The following CCSAP variants were observed in gnomAD, a reference collection of about 807,000 sequenced individuals.
CCSAP encodes centriole, cilia and spindle associated protein.
A neutral mutation model predicts 25.9 loss-of-function variants in CCSAP; 17 were observed. That is an observed-to-expected ratio of 0.66 (90% CI 0.45 to 0.99). CCSAP has a LOEUF of 0.99. CCSAP is among the 50% of genes least tolerant of loss of function. The pLI, the probability that CCSAP is intolerant of heterozygous loss-of-function variation, is 0.00. For missense variants in CCSAP, 339 were observed against 367.8 expected (o/e 0.92, Z 0.64); for synonymous variants, 169 against 157.1 (o/e 1.08, Z -0.57).
Position 229,342,359 on chromosome 1 carries a change from C to A in CCSAP, c.107G>T (p.Gly36Val). The A allele has an allele frequency of 6.6e-7, 1 of 1,509,788 alleles. No individual in the cohort carries two copies. The highest frequency in any genetic ancestry group is 8.9e-7 in the Non-Finnish European group (1 of 1,129,034). 93.5% of individuals were successfully genotyped at this position (1,509,788 alleles called of 1,614,324 possible). A position where few individuals can be genotyped will look rare whatever the true frequency, so the allele number is the denominator to read the frequency against. The change falls in exon 2 of 4, where the codon GGC (glycine) becomes GTC (valine). Residue 36 changes from glycine to valine, a missense_variant. Coordinates refer to ENST00000284617, the MANE Select transcript of CCSAP (RefSeq NM_145257.5). This position sits in a 1 kb window ranked among gnomAD's most constrained non-coding sequence, Gnocchi z 7.5. Reference sequence around the variant, plus strand: ...GTGCGCCTGCTCCAGCAGCCGGCGGCCTAGGCGGTAGTGCAGCAGCTCGCG... The same window carrying A: ...GTGCGCCTGCTCCAGCAGCCGGCGGACTAGGCGGTAGTGCAGCAGCTCGCG... ...CYRELLHYRL[G>V]RRLLEQAHAP...
intron 2 of CCSAP, among the ~76,000 whole-genome samples, chr1:229,328,438 C>A (rs747725522): frequency 1.3e-4 from 20 of 151,890 alleles, no homozygotes; most frequent in Non-Finnish European, 2.5e-4. Context: ...GGAGGTGGGA[C>A]TACAGGAGTG....
At chr1:229,338,057 T>A (rs1448451262) in intron 2 of CCSAP, among the ~76,000 whole-genome samples, 3 of 152,096 alleles carry the variant, frequency 2.0e-5, no homozygotes, top group Non-Finnish European at 4.4e-5. Flanking sequence ...TACACAGCCA[T>A]AATTCAAACA....
chr1:229,322,413 C>T lies in CCSAP; in HGVS notation c.*2822G>A, dbSNP rs144244853. 7.1e-4 allele frequency: 108 copies of T among 152,234 alleles called. No homozygotes were observed. Among genetic ancestry groups the T allele is most frequent in the Admixed American group, 3.5e-3 (53 of 15,292 alleles). 9.4% of individuals were successfully genotyped at this position (152,234 alleles called of 1,614,324 possible). On this transcript the variant is annotated 3_prime_UTR_variant, in exon 4 of 4. Transcript: ENST00000284617. ...CATATGAAATGGTATAAATATGTGC[C>T]TCCTACCTAATACGCAAGTAAGATC...
At position 229,323,185 on chromosome 1, in the gene CCSAP, GTTCAT is replaced by G. The variant is rs989870146; in HGVS notation, c.*2045_*2049del. ...ACTTTAAAAGCACTTTAAAAATCCC[GTTCAT>G]TTGTCTTCCACTTAAAAAGAGGAAA... is the stretch of plus-strand genomic sequence containing the variant. On this transcript the variant is annotated 3_prime_UTR_variant, in exon 4 of 4. Coordinates refer to ENST00000284617, the MANE Select transcript of CCSAP (RefSeq NM_145257.5). 2.4e-4 allele frequency: 37 copies of G among 152,084 alleles called. No individual in the cohort carries two copies. The highest frequency in any genetic ancestry group is 8.0e-4 in the African/African-American group (33 of 41,406). 9.4% of individuals were successfully genotyped at this position (152,084 alleles called of 1,614,324 possible).
rs191831478 is a variant in CCSAP at position 229,341,848 on chromosome 1, C to T, written c.367+251G>A. On this transcript the variant is annotated intron_variant, in intron 2 of 3. Coordinates refer to ENST00000284617, the MANE Select transcript of CCSAP (RefSeq NM_145257.5). The stretch of plus-strand genomic sequence containing the variant: ...CGCAGAGGCCCGCGAGGAAAGACCC[C>T]AGACTCAGCCAGCGGCGCTTCAATT... Among the ~76,000 whole-genome samples, 30 of 152,236 alleles carry T rather than the reference C, an allele frequency of 2.0e-4. No homozygotes were observed. The East Asian group carries it at 5.4e-3, about 28-fold the overall frequency.
At chr1:229,326,395 G>C (rs1253427172) in intron 3 of CCSAP, among the ~76,000 whole-genome samples, 1 of 152,230 alleles carries the variant, frequency 6.6e-6, no homozygotes, top group African/African-American at 2.4e-5. Flanking sequence ...ATCCAGATGG[G>C]CCGTCGCCAG....
intron 2 of CCSAP, among the ~76,000 whole-genome samples, chr1:229,337,864 A>G (rs1242710687): frequency 6.6e-6 from 1 of 151,358 alleles, no homozygotes; most frequent in Middle Eastern, 3.4e-3. Context: ...ATAAGAAATA[A>G]GAAACTGTGA....
In CCSAP at chr1:229,326,857, A is replaced by G. The variant is rs140114227; in HGVS notation, c.517T>C (p.Ser173Pro). Residue 173 changes from serine to proline, a missense_variant, in exon 3 of 4, where the codon TCA (serine) becomes CCA (proline). Transcript: ENST00000284617. ...TTGTTTTCTTTTATTTTACTCGATG[A>G]TCTTTGGGGACTTTTGACCGCTTTC... ...NRKAVKSPQR[S>P]SSKIKENKHP... The G allele has an allele frequency of 1.9e-5, 31 of 1,614,148 alleles. No individual in the cohort carries two copies. The African/African-American group carries it at 3.1e-4, about 16-fold the overall frequency.
At chr1:229,341,193 CAAAAAAAA>C (rs71561730) in intron 2 of CCSAP, among the ~76,000 whole-genome samples, 55 of 91,116 alleles carry the variant, frequency 6.0e-4, no homozygotes, top group African/African-American at 2.2e-3. Context: ...GACTCCGTCT[CAAAAAAAA>C]AAAAAAAAAA....
chr1:229,339,876 G>C (rs1182100617), intron 2 of CCSAP, among the ~76,000 whole-genome samples: 3 of 152,172 alleles, frequency 2.0e-5, no homozygotes, highest in Non-Finnish European at 4.4e-5. Flanking sequence ...TATTGTGCAG[G>C]TGTGGAGATG....
At chr1:229,337,678 A>AAAAAATATATATAT in intron 2 of CCSAP, among the ~76,000 whole-genome samples, 4 of 65,548 alleles carry the variant, frequency 6.1e-5, no homozygotes, top group African/African-American at 1.2e-4. Context: ...CTCAAAAAAA[A>AAAAAATATATATAT]ATATATATAT....
intron 2 of CCSAP, among the ~76,000 whole-genome samples, chr1:229,335,091 AT>A (rs1359641303): frequency 1.3e-5 from 2 of 152,114 alleles, no homozygotes; most frequent in Non-Finnish European, 2.9e-5. Flanking sequence ...AGGCGGGAGG[AT>A]TGCTTGAGCT....
At chr1:229,330,570 C>T (rs932749473) in intron 2 of CCSAP, among the ~76,000 whole-genome samples, 14 of 152,118 alleles carry the variant, frequency 9.2e-5, no homozygotes, top group African/African-American at 2.9e-4. Context: ...AGGCCGGGCG[C>T]GGTGGCTCAC....
intron 2 of CCSAP, among the ~76,000 whole-genome samples, chr1:229,337,824 C>T (rs1360418969): frequency 1.3e-5 from 2 of 148,968 alleles, no homozygotes; most frequent in Admixed American, 6.7e-5. Flanking sequence ...ACTATCAGGC[C>T]ATTTCAGGCA....
Position 229,323,892 on chromosome 1 carries a change from G to A in CCSAP, c.*1343C>T, listed in dbSNP as rs571710227. ...CTCACACATCTTCGGGTGCCAAGCT[G>A]GCATAGGCAGAGCACCATTATCTCT... On this transcript the variant is annotated 3_prime_UTR_variant, in exon 4 of 4. Transcript: ENST00000284617. 10 of 152,146 alleles carry A rather than the reference G, an allele frequency of 6.6e-5. No homozygotes were observed. Among genetic ancestry groups the A allele is most frequent in the African/African-American group, 2.4e-4 (10 of 41,550 alleles). 9.4% of individuals were successfully genotyped at this position (152,146 alleles called of 1,614,324 possible). A position where few individuals can be genotyped will look rare whatever the true frequency, so the allele number is the denominator to read the frequency against.
intron 2 of CCSAP, among the ~76,000 whole-genome samples, chr1:229,339,922 A>G (rs1372625773): frequency 1.3e-5 from 2 of 152,182 alleles, no homozygotes; most frequent in East Asian, 3.8e-4. Flanking sequence ...GCAGTAAAAA[A>G]GAATTAAAGT....
Position 229,328,007 on chromosome 1 carries a change from GC to G in CCSAP, c.368-1002del, listed in dbSNP as rs368875139. Among the ~76,000 whole-genome samples the G allele has an allele frequency of 6.2e-4, 94 of 152,296 alleles. 1 individual carries two copies. The highest frequency in any genetic ancestry group is 1.9e-3 in the African/African-American group (80 of 41,564). On this transcript the variant is annotated intron_variant, in intron 2 of 3. Coordinates refer to ENST00000284617, the MANE Select transcript of CCSAP (RefSeq NM_145257.5). ...GGAACCCCCGGTGGTGAATGTGGCT[GC>G]CCCACCTAAGGGGAACCTCAGATAG...
At chr1:229,331,889 C>T (rs1446293287) in intron 2 of CCSAP, among the ~76,000 whole-genome samples, 1 of 151,392 alleles carries the variant, frequency 6.6e-6, no homozygotes. Flanking sequence ...GATCTCAGCT[C>T]ACTGCAACCT....
chr1:229,338,672 A>G (rs546323587), intron 2 of CCSAP, among the ~76,000 whole-genome samples: 2 of 152,322 alleles, frequency 1.3e-5, no homozygotes, highest in South Asian at 4.1e-4. Context: ...ATGAAAATAG[A>G]GAATTACCAG....
Sources: gnomAD v4.1 joint callset for allele counts (sites outside exome capture counted in the v4.1 genomes callset) on GRCh38, gnomAD v4.1.1 for gene constraint, Gnocchi (gnomAD v3.1) non-coding constraint, MANE v1.5 for transcripts, NCBI Gene and HGNC (gene_info 2026-07-23, HGNC 2026-07-21) for gene names.